NLRP3: variants seen among roughly 807,000 people sequenced by gnomAD.
The protein encoded by NLRP3 is NLR family pyrin domain containing 3.
In NLRP3, 48 loss-of-function variants were observed where a neutral mutation model predicts 91.3. That is an observed-to-expected ratio of 0.53 (90% confidence interval 0.42 to 0.67). NLRP3 has a LOEUF of 0.67. Among genes scored for constraint, NLRP3 ranks in the 30% least tolerant of loss-of-function variants. The pLI, the probability that NLRP3 is intolerant of heterozygous loss-of-function variation, is 0.00. For missense variants in NLRP3, 982 were observed against 1,276.9 expected, an observed-to-expected ratio of 0.77 and a Z score of 3.52; for synonymous variants, 561 against 507.9, an observed-to-expected ratio of 1.10 and a Z score of -1.41.
At chr1:247,444,272 C>T in intron 8 of NLRP3, 130 bp downstream of exon 8, 1 of 988,818 alleles carries the variant, frequency 1.0e-6, no homozygotes, top group Non-Finnish European at 1.6e-6. Flanking sequence ...TGCCTTGTTA[C>T]AGGATCATGG....
In NLRP3 at chr1:247,418,878, C is replaced by T. The variant is rs1364827467; in HGVS notation, c.78C>T (p.His26=). The T allele has an allele frequency of 1.2e-6, 2 of 1,613,932 alleles. No homozygotes were observed. The highest frequency in any genetic ancestry group is 1.7e-6 in the Non-Finnish European group (2 of 1,180,030). The change falls in exon 2 of 10, where the codon CAC becomes CAT. Residue 26 remains histidine (H), a synonymous_variant. Coordinates refer to ENST00000336119, the MANE Select transcript of NLRP3 (RefSeq NM_001243133.2). ...EDVDLKKFKM[H]LEDYPPQKGC... is the part of the protein sequence containing the mutation. Reference sequence around the variant, plus strand: ...TGGACTTGAAGAAATTTAAGATGCACTTAGAGGACTATCCTCCCCAGAAGG... The same window carrying T: ...TGGACTTGAAGAAATTTAAGATGCATTTAGAGGACTATCCTCCCCAGAAGG...
intron 2 of NLRP3, among the ~76,000 whole-genome samples, chr1:247,421,797 A>AGTTT (rs1439971474): frequency 6.6e-6 from 1 of 152,154 alleles, no homozygotes; most frequent in Non-Finnish European, 1.5e-5. Flanking sequence ...TAGGGTTAGA[A>AGTTT]GTTTGTTTGT....
At chr1:247,422,927 G>T (rs979864192) in intron 2 of NLRP3, among the ~76,000 whole-genome samples, 1 of 152,228 alleles carries the variant, frequency 6.6e-6, no homozygotes, top group Admixed American at 6.5e-5. Context: ...GAGGGTAAAA[G>T]AAACTTAGCC....
At position 247,424,157 on chromosome 1, in the gene NLRP3, G is replaced by C; in HGVS notation, c.708G>C (p.Lys236Asn). ...AGIGKTILAR[K>N]MMLDWASGTL... The stretch of plus-strand genomic sequence containing the variant: ...TTGGGAAAACAATCCTGGCCAGGAA[G>C]ATGATGTTGGACTGGGCGTCGGGGA... The change falls in exon 4 of 10, where the codon AAG becomes AAC. Residue 236 changes from lysine to asparagine, a missense_variant. Lys to Asn is a moderately conservative substitution (Grantham distance 94, BLOSUM62 0). This residue lies in a region of NLRP3 where 548 missense variants were observed against 713.7 expected (regional missense o/e 0.77). Transcript: ENST00000336119. This position sits in a 1 kb window ranked among gnomAD's most constrained non-coding sequence, Gnocchi z 8.1. 6.2e-7 allele frequency: 1 copy of C among 1,614,102 alleles called. No individual in the cohort carries two copies. The highest frequency in any genetic ancestry group is 8.5e-7 in the Non-Finnish European group (1 of 1,180,018).
chr1:247,435,885 A>G, intron 6 of NLRP3, 85 bp from the exon 7 acceptor site: 1 of 1,232,688 alleles, frequency 8.1e-7, no homozygotes, highest in Non-Finnish European at 1.2e-6. Flanking sequence ...ACTGGAGTAG[A>G]GGCAGTGGCA....
chr1:247,434,176 G>A lies in NLRP3; in HGVS notation c.2395G>A (p.Val799Met). The change falls in exon 6 of 10, where the codon GTG (valine) becomes ATG (methionine). Residue 799 changes from valine to methionine, a missense_variant. Val to Met is a conservative substitution (Grantham distance 21). Coordinates refer to ENST00000336119, the MANE Select transcript of NLRP3 (RefSeq NM_001243133.2). ...GGTCCTCAGCAGCAACCAGAAGCTG[G>A]TGGAGCTGGACCTGAGTGACAACGC... is the stretch of plus-strand genomic sequence containing the variant. ...SLVLSSNQKL[V>M]ELDLSDNALG... 4 of 1,614,246 alleles carry A rather than the reference G, an allele frequency of 2.5e-6. No homozygotes were observed. The highest frequency in any genetic ancestry group is 3.4e-6 in the Non-Finnish European group (4 of 1,180,046).
chr1:247,437,475 A>G (rs1663876045), intron 7 of NLRP3, among the ~76,000 whole-genome samples: 1 of 152,176 alleles, frequency 6.6e-6, no homozygotes, highest in African/African-American at 2.4e-5. Context: ...TCTTTCTATG[A>G]AGTCTTCCTG....
chr1:247,430,968 C>T (rs1223660121), intron 5 of NLRP3, among the ~76,000 whole-genome samples: 1 of 151,754 alleles, frequency 6.6e-6, no homozygotes, highest in Non-Finnish European at 1.5e-5. Context: ...GTGGTCTCAT[C>T]ACGTTGCCCA....
Position 247,445,071 on chromosome 1 carries a change from C to T in NLRP3, c.3005+250C>T, listed in dbSNP as rs576779041. Among the ~76,000 whole-genome samples, 6 of 152,310 alleles carry T rather than the reference C, an allele frequency of 3.9e-5. No homozygotes were observed. In the East Asian group the frequency reaches 9.6e-4, roughly 24 times the overall value. Reference sequence around the variant, plus strand: ...CCACATTCCCCAAAGAAACACAAGCCCTCATGCGATCATGGCCAAGGAGGA... The same window carrying T: ...CCACATTCCCCAAAGAAACACAAGCTCTCATGCGATCATGGCCAAGGAGGA... On this transcript the variant is annotated intron_variant, in intron 9 of 9. Transcript: ENST00000336119.
intron 8 of NLRP3, 106 bp downstream of exon 8, chr1:247,444,248 G>A: frequency 1.7e-6 from 2 of 1,173,136 alleles, no homozygotes; most frequent in Non-Finnish European, 2.5e-6. Context: ...GAAGTGAGGT[G>A]TCTTCTTAGT....
rs28559821 is a variant in NLRP3, at chr1:247,433,753, G to A, written c.2322-350G>A. On this transcript the variant is annotated intron_variant, in intron 5 of 9. Transcript: ENST00000336119. ...TGTGTCCTGATGCTTTCTCTATTCC[G>A]GAGCTCTCTGGTCAGGTGTGTCCTG... 3.5e-3 allele frequency among the ~76,000 whole-genome samples: 365 copies of A among 103,462 alleles called. 1 individual carries two copies. Among genetic ancestry groups the A allele is most frequent in the Middle Eastern group, 5.8e-3 (1 of 172 alleles). 67.9% of individuals were successfully genotyped at this position (103,462 alleles called of 152,430 possible). A position where few individuals can be genotyped will look rare whatever the true frequency, so the allele number is the denominator to read the frequency against.
Position 247,423,244 on chromosome 1 carries a change from C to G in NLRP3, c.292C>G (p.Arg98Gly), listed in dbSNP as rs375013904. ...DEPKWGSDNA[R>G]VSNPTVICQE... ...TTCCCTTTTAGGTTCAGATAATGCA[C>G]GTGTTTCGAATCCCACTGTGATATG... Residue 98 changes from arginine to glycine, a missense_variant, in exon 3 of 10, where the codon CGT (arginine) becomes GGT (glycine). By Grantham distance (125) the Arg-to-Gly change is moderately radical. Transcript: ENST00000336119. 1.5e-5 allele frequency: 24 copies of G among 1,612,382 alleles called. No homozygotes were observed. The highest frequency in any genetic ancestry group is 2.0e-5 in the Non-Finnish European group (23 of 1,179,092).
intron 6 of NLRP3, among the ~76,000 whole-genome samples, chr1:247,434,648 C>T (rs992278032): frequency 1.3e-5 from 2 of 152,118 alleles, no homozygotes; most frequent in African/African-American, 2.4e-5. Flanking sequence ...TGCAGACCCT[C>T]GATGTTGTAT....
In NLRP3 at chr1:247,436,114, T is replaced by A; in HGVS notation, c.2637T>A (p.Asn879Lys). 6.2e-7 allele frequency: 1 copy of A among 1,614,118 alleles called. No individual in the cohort carries two copies. Among genetic ancestry groups the A allele is most frequent in the South Asian group, 1.1e-5 (1 of 91,078 alleles). ...CAATTTTATGTGAAAAAGCCAAGAA[T>A]CCACAGTGTAACCTGCAGAAACTGG... ...GVAILCEKAK[N>K]PQCNLQKLGL... The change falls in exon 7 of 10, where the codon AAT becomes AAA. Residue 879 changes from asparagine (N) to lysine (K), a missense_variant. Asn to Lys is a moderately conservative substitution (Grantham distance 94). Transcript: ENST00000336119.
chr1:247,416,113 T>A (rs1662057387), upstream of NLRP3: 1 of 152,386 alleles, frequency 6.6e-6, no homozygotes, highest in South Asian at 2.1e-4. Context: ...GGAGACCACA[T>A]CCTTCCTGCC....
At chr1:247,434,544 A>G (rs2103165834) in intron 6 of NLRP3, among the ~76,000 whole-genome samples, 1 of 152,328 alleles carries the variant, frequency 6.6e-6, no homozygotes, top group African/African-American at 2.4e-5. Context: ...ACAAAAAGAA[A>G]AAATCAGTGT....
Position 247,424,086 on chromosome 1 carries a change from C to T in NLRP3, c.637C>T (p.His213Tyr). Residue 213 changes from histidine (H) to tyrosine (Y), a missense_variant, in exon 4 of 10, where the codon CAT (histidine) becomes TAT (tyrosine). This residue lies in a region of NLRP3 where 548 missense variants were observed against 713.7 expected (regional missense o/e 0.77). Coordinates refer to ENST00000336119, the MANE Select transcript of NLRP3 (RefSeq NM_001243133.2). The surrounding 1 kb of genome is among the most constrained non-coding windows in gnomAD (Gnocchi z 8.1). ...MELLFDPDDE[H>Y]SEPVHTVVFQ... Reference sequence around the variant, plus strand: ...GTTGCTGTTTGACCCCGATGATGAGCATTCTGAGCCTGTGCACACCGTGGT... The same window carrying T: ...GTTGCTGTTTGACCCCGATGATGAGTATTCTGAGCCTGTGCACACCGTGGT... 1 of 1,614,076 alleles carries T rather than the reference C, an allele frequency of 6.2e-7. No homozygotes were observed. The highest frequency in any genetic ancestry group is 8.5e-7 in the Non-Finnish European group (1 of 1,180,020).
intron 7 of NLRP3, among the ~76,000 whole-genome samples, chr1:247,443,241 A>G (rs549469065): frequency 4.6e-5 from 7 of 151,958 alleles, no homozygotes; most frequent in African/African-American, 1.7e-4. Context: ...TTATTTATTT[A>G]TTTATTTAGG....
intron 2 of NLRP3, among the ~76,000 whole-genome samples, chr1:247,422,976 A>G (rs1662572274): frequency 6.6e-6 from 1 of 152,204 alleles, no homozygotes; most frequent in Admixed American, 6.5e-5. Context: ...AGGCCTGAGG[A>G]AGAGATTCTG....
Sources: gnomAD v4.1 joint callset for allele counts (sites outside exome capture counted in the v4.1 genomes callset) on GRCh38, gnomAD v4.1.1 for gene constraint, gnomAD v4.1.1 regional missense constraint, Gnocchi (gnomAD v3.1) non-coding constraint, MANE v1.5 for transcripts, NCBI Gene and HGNC (gene_info 2026-07-23, HGNC 2026-07-21) for gene names.